Variants in PATJ observed in about 807,000 individuals in gnomAD.
The protein encoded by PATJ is inaD-like protein.
A neutral mutation model predicts 224.9 loss-of-function variants in PATJ; 190 were observed. That is an observed-to-expected ratio of 0.84 (90% CI 0.75 to 0.95). The LOEUF (loss-of-function observed/expected upper bound fraction) is 0.95, where lower values mean the gene tolerates loss of function less well. PATJ is among the 40% of genes least tolerant of loss of function. PATJ has a pLI of 0.00. For synonymous variants in PATJ, 769 were observed against 820.3 expected (o/e 0.94, Z 1.07); for missense variants, 2,121 against 2,270.3 (o/e 0.93, Z 1.34).
At chr1:61,863,356 C>G (rs1223535261) in intron 19 of PATJ, among the ~76,000 whole-genome samples, 1 of 152,010 alleles carries the variant, frequency 6.6e-6, no homozygotes, top group Non-Finnish European at 1.5e-5. Context: ...AATTTAAAAG[C>G]TTCACTACAA....
chr1:61,795,365 C>A, intron 9 of PATJ, 102 bp from the exon 10 acceptor site: 1 of 595,208 alleles, frequency 1.7e-6, no homozygotes, highest in Non-Finnish European at 3.0e-6. Flanking sequence ...TTTATCAAAC[C>A]TCCAGTCAAC....
At chr1:61,871,445 A>ATACG (rs1557792766) in intron 20 of PATJ, among the ~76,000 whole-genome samples, 1 of 26,544 alleles carries the variant, frequency 3.8e-5, no homozygotes, top group South Asian at 1.1e-3. Flanking sequence ...GTGTATATAC[A>ATACG]CATATATATG....
intron 27 of PATJ, among the ~76,000 whole-genome samples, chr1:61,988,084 A>G (rs555224147): frequency 6.6e-6 from 1 of 152,278 alleles, no homozygotes; most frequent in Non-Finnish European, 1.5e-5. Context: ...CTGTGATCCC[A>G]GCTACTCAGG....
At chr1:62,016,183 A>G (rs1460476913) in intron 28 of PATJ, among the ~76,000 whole-genome samples, 2 of 152,212 alleles carry the variant, frequency 1.3e-5, no homozygotes, top group East Asian at 3.8e-4. Flanking sequence ...AGCCTTGGAT[A>G]TGAATCCCAG....
chr1:62,021,681 T>A (rs1647092127), intron 29 of PATJ, among the ~76,000 whole-genome samples: 1 of 152,180 alleles, frequency 6.6e-6, no homozygotes, highest in Admixed American at 6.5e-5. Context: ...TAAGTTTTTT[T>A]ATACCTTCTT....
chr1:61,952,264 G>GAC (rs1471111831), intron 27 of PATJ: 7 of 594,976 alleles, frequency 1.2e-5, no homozygotes, highest in Admixed American at 2.4e-5. Context: ...GAGAGAGAGA[G>GAC]AGAGAGAGAG....
chr1:62,011,272 C>T (rs1366124976), intron 28 of PATJ, among the ~76,000 whole-genome samples: 1 of 152,198 alleles, frequency 6.6e-6, no homozygotes, highest in Non-Finnish European at 1.5e-5. Context: ...ACATGCCTTC[C>T]TCACTAAGTT....
At chr1:61,918,504 T>G (rs1571286188) in intron 26 of PATJ, among the ~76,000 whole-genome samples, 1 of 151,492 alleles carries the variant, frequency 6.6e-6, no homozygotes, top group East Asian at 2.0e-4. Context: ...TAGAGATGGG[T>G]CTTACCGTGT....
intron 22 of PATJ, among the ~76,000 whole-genome samples, chr1:61,895,598 TG>T (rs35367865): frequency 0.015 from 2,302 of 152,334 alleles, 57 homozygotes; most frequent in African/African-American, 0.052. Context: ...AGTTGAGCTT[TG>T]GGAGCCTCTG....
At chr1:62,074,139 A>G (rs1657895647) in intron 31 of PATJ, among the ~76,000 whole-genome samples, 1 of 150,952 alleles carries the variant, frequency 6.6e-6, no homozygotes, top group Non-Finnish European at 1.5e-5. Context: ...TATATATTTC[A>G]AACATTGCCA....
chr1:61,770,569 G>A (rs1183050747), intron 5 of PATJ, among the ~76,000 whole-genome samples: 1 of 152,142 alleles, frequency 6.6e-6, no homozygotes, highest in Admixed American at 6.5e-5. Flanking sequence ...TTTCTTTAGA[G>A]ATTTTGCTAA....
At chr1:61,940,848 T>C (rs1428747194) in intron 27 of PATJ, among the ~76,000 whole-genome samples, 1 of 152,184 alleles carries the variant, frequency 6.6e-6, no homozygotes, top group Non-Finnish European at 1.5e-5. Context: ...TTTAGCAAGA[T>C]TGAATAGGAC....
Position 61,806,818 on chromosome 1 carries a change from ACAAATGGC to A in PATJ, c.1626+1297_1626+1304del, listed in dbSNP as rs575617265. ...AAATAAATTTGCTGTAACAGTATTT[ACAAATGGC>A]CAGTTTTATGATGGGCTCTTTTTTT... is the stretch of plus-strand genomic sequence containing the variant. On this transcript the variant is annotated intron_variant, in intron 13 of 43. Transcript: ENST00000642238. 2.2e-3 allele frequency among the ~76,000 whole-genome samples: 335 copies of A among 152,272 alleles called. 1 individual carries two copies. Among genetic ancestry groups the A allele is most frequent in the African/African-American group, 7.6e-3 (317 of 41,554 alleles).
At chr1:61,908,200 A>G (rs1295948846) in intron 24 of PATJ, among the ~76,000 whole-genome samples, 172 bp from the exon 25 acceptor site, 4 of 152,136 alleles carry the variant, frequency 2.6e-5, no homozygotes, top group African/African-American at 9.7e-5. Flanking sequence ...TTCCTTGAAC[A>G]TGTTCTTCTA....
intron 14 of PATJ, among the ~76,000 whole-genome samples, chr1:61,822,567 T>G (rs1209222650): frequency 3.3e-5 from 5 of 151,884 alleles, no homozygotes; most frequent in South Asian, 2.1e-4. Context: ...GTATTTAGTG[T>G]GAGTAGAAGT....
At chr1:61,796,282 C>T (rs1429984746) in intron 10 of PATJ, among the ~76,000 whole-genome samples, 1 of 152,180 alleles carries the variant, frequency 6.6e-6, no homozygotes, top group African/African-American at 2.4e-5. Flanking sequence ...TGATAGACTT[C>T]AGGAATTGGG....
intron 15 of PATJ, among the ~76,000 whole-genome samples, chr1:61,823,290 C>G (rs533386356): frequency 6.6e-6 from 1 of 152,132 alleles, no homozygotes; most frequent in African/African-American, 2.4e-5. Flanking sequence ...CTGAGATGTT[C>G]TTTATTTAAA....
chr1:61,779,401 G>A lies in PATJ; in HGVS notation c.849+4067G>A, dbSNP rs72674631. 9.8e-3 allele frequency among the ~76,000 whole-genome samples: 1,487 copies of A among 152,292 alleles called. 12 individuals are homozygous for A. Among genetic ancestry groups the A allele is most frequent in the Non-Finnish European group, 0.016 (1,090 of 68,038 alleles). On this transcript the variant is annotated intron_variant, in intron 7 of 43. Coordinates refer to ENST00000642238, the MANE Select transcript of PATJ (RefSeq NM_001350145.3). ...GAGGCAGAATTTCTTCTCTAGGAAAGCTCAGTTTTTGCTTGTGAATTCTTC... is the reference window on the plus strand; with the variant it reads ...GAGGCAGAATTTCTTCTCTAGGAAAACTCAGTTTTTGCTTGTGAATTCTTC...
At position 62,114,197 on chromosome 1, in the gene PATJ, C is replaced by A. The variant is rs763985992; in HGVS notation, c.4606C>A (p.Leu1536Met). 1.9e-6 allele frequency: 3 copies of A among 1,614,148 alleles called. No individual in the cohort carries two copies. Among genetic ancestry groups the A allele is most frequent in the Non-Finnish European group, 2.5e-6 (3 of 1,180,020 alleles). The change falls in exon 35 of 44, where the codon CTG becomes ATG. Residue 1536 changes from leucine (L) to methionine (M), a missense_variant. By Grantham distance (15) the Leu-to-Met change is conservative. Transcript: ENST00000642238. ...EENLEIFPVD[L>M]QKKAGRGLGL... is the part of the protein sequence containing the mutation. ...GAACTTGGAGATTTTCCCTGTGGAT[C>A]TGCAGAAGAAAGCTGGCCGGGGCCT...
Sources: allele counts gnomAD v4.1 joint callset (sites outside exome capture counted in the v4.1 genomes callset), GRCh38; gene constraint gnomAD v4.1.1; transcripts MANE v1.5; gene names NCBI Gene and HGNC (gene_info 2026-07-23, HGNC 2026-07-21).